TIPIN: variants seen among roughly 807,000 people sequenced by gnomAD.
TIPIN encodes the protein TIMELESS-interacting protein.
In TIPIN, 29 loss-of-function variants were observed where a neutral mutation model predicts 35.6. The observed-to-expected ratio is 0.82, with a 90% CI of 0.61 to 1.11. The LOEUF (loss-of-function observed/expected upper bound fraction) is 1.11. TIPIN is among the 50% of genes most tolerant of loss of function. The pLI is 0.00. For missense variants in TIPIN, 296 were observed against 345.4 expected (o/e 0.86, Z 1.13); for synonymous variants, 102 against 121.5 (o/e 0.84, Z 1.06).
intron 1 of TIPIN, among the ~76,000 whole-genome samples, chr15:66,366,597 CAAAAAAAAA>C (rs757848258): frequency 1.1e-5 from 1 of 92,244 alleles, no homozygotes; most frequent in African/African-American, 4.5e-5. Context: ...ACTAAATATA[CAAAAAAAAA>C]AAAAAAAAAA....
chr15:66,371,050 A>C, intron 1 of TIPIN: 1 of 198,078 alleles, frequency 5.0e-6, no homozygotes, highest in African/African-American at 2.4e-5. Context: ...GTCTCTACTA[A>C]AAATACAAAA....
intron 6 of TIPIN, 103 bp from the exon 7 acceptor site, chr15:66,341,459 A>G: frequency 1.1e-6 from 1 of 937,584 alleles, no homozygotes; most frequent in South Asian, 1.7e-5. Flanking sequence ...ACCTGAAAAA[A>G]CAATTTGTGA....
At chr15:66,363,764 C>T (rs1286388720) in intron 1 of TIPIN, among the ~76,000 whole-genome samples, 2 of 151,792 alleles carry the variant, frequency 1.3e-5, no homozygotes, top group East Asian at 1.9e-4. Flanking sequence ...GGGTGGATCA[C>T]GAGGTCAGGA....
In TIPIN at chr15:66,367,833, GTTTTTGTTTT is replaced by G. The variant is rs923550135; in HGVS notation, c.-8-14888_-8-14879del. 3.3e-4 allele frequency among the ~76,000 whole-genome samples: 40 copies of G among 122,930 alleles called. 1 individual carries two copies. The Middle Eastern group carries it at 0.04, about 123-fold the overall frequency. 80.6% of individuals were successfully genotyped at this position (122,930 alleles called of 152,430 possible). A position where few individuals can be genotyped will look rare whatever the true frequency, so the allele number is the denominator to read the frequency against. On this transcript the variant is annotated intron_variant, in intron 1 of 7. Transcript: ENST00000562124. Reference sequence around the variant, plus strand: ...ATGTCCCTGTTATACATAAATCTTTGTTTTTGTTTTTTTTTTTTTGATTCAAAGTCTTGCT... The same window carrying G: ...ATGTCCCTGTTATACATAAATCTTTGTTTTTTTTTGATTCAAAGTCTTGCT...
chr15:66,367,840 T>G (rs1192758235), intron 1 of TIPIN, among the ~76,000 whole-genome samples: 11 of 141,448 alleles, frequency 7.8e-5, no homozygotes, highest in South Asian at 6.7e-4. Context: ...TTTGTTTTTG[T>G]TTTTTTTTTT....
intron 7 of TIPIN, among the ~76,000 whole-genome samples, chr15:66,340,810 T>C (rs2093081235): frequency 6.6e-6 from 1 of 152,058 alleles, no homozygotes; most frequent in Non-Finnish European, 1.5e-5. Flanking sequence ...TTGGCCAGGC[T>C]GGTCTTGAAC....
intron 6 of TIPIN, among the ~76,000 whole-genome samples, chr15:66,342,213 G>C (rs892440326): frequency 4.6e-5 from 6 of 129,172 alleles, no homozygotes; most frequent in Non-Finnish European, 9.8e-5. Context: ...AAAAAAGAAA[G>C]AAACAAAAAG....
intron 3 of TIPIN, 95 bp downstream of exon 3, chr15:66,352,034 C>G: frequency 9.7e-7 from 1 of 1,029,528 alleles, no homozygotes; most frequent in Non-Finnish European, 1.4e-6. Context: ...TATAAGAGCT[C>G]CACATCATAC....
Position 66,336,774 on chromosome 15 carries a change from GAACA to G in TIPIN, c.*180_*183del. On this transcript the variant is annotated 3_prime_UTR_variant, in exon 8 of 8. Transcript: ENST00000261881. ...CCTATATAAAAACAAACACTAAAGA[GAACA>G]AATAGATTTAACTAAAGTGACAAGC... The G allele has an allele frequency of 5.3e-6, 3 of 567,920 alleles. No individual in the cohort carries two copies. The highest frequency in any genetic ancestry group is 3.1e-5 in the Admixed American group (1 of 32,770). The allele number at this position is 567,920 out of a possible 1,614,324, so 35.2% of individuals were successfully genotyped here. A position where few individuals can be genotyped will look rare whatever the true frequency, so the allele number is the denominator to read the frequency against.
intron 1 of TIPIN, among the ~76,000 whole-genome samples, chr15:66,372,974 T>C (rs979458344): frequency 6.6e-6 from 1 of 152,156 alleles, no homozygotes; most frequent in Non-Finnish European, 1.5e-5. Flanking sequence ...AGAAATATCA[T>C]TGTGCTGCAA....
At chr15:66,378,719 T>G (rs1437136512) in intron 1 of TIPIN, among the ~76,000 whole-genome samples, 1 of 150,838 alleles carries the variant, frequency 6.6e-6, no homozygotes, top group Non-Finnish European at 1.5e-5. Flanking sequence ...ATTTCACCTT[T>G]CTTTCTTTAT....
chr15:66,359,395 G>C (rs2093221772), upstream of TIPIN, among the ~76,000 whole-genome samples: 1 of 151,802 alleles, frequency 6.6e-6, no homozygotes, highest in Non-Finnish European at 1.5e-5. Context: ...ACCCAGGGTG[G>C]AGTGCAGTGG....
At chr15:66,379,500 G>A in intron 1 of TIPIN, 1 of 1,609,458 alleles carries the variant, frequency 6.2e-7, no homozygotes, top group Non-Finnish European at 8.5e-7. Flanking sequence ...ATCTTTCTGG[G>A]CTTGAGATAC....
At chr15:66,376,687 C>G (rs1213203003) in intron 1 of TIPIN, among the ~76,000 whole-genome samples, 1 of 151,794 alleles carries the variant, frequency 6.6e-6, no homozygotes, top group Non-Finnish European at 1.5e-5. Flanking sequence ...CTCTGGCCTC[C>G]CAAAGTGCTG....
intron 1 of TIPIN, among the ~76,000 whole-genome samples, chr15:66,380,102 C>T (rs1035641298): frequency 6.6e-6 from 1 of 151,048 alleles, no homozygotes; most frequent in Non-Finnish European, 1.5e-5. Context: ...CTCAGGCTCA[C>T]GCCATTCTCC....
chr15:66,377,215 C>T (rs2093300320), intron 1 of TIPIN, among the ~76,000 whole-genome samples: 1 of 151,592 alleles, frequency 6.6e-6, no homozygotes, highest in Admixed American at 6.6e-5. Flanking sequence ...GAAAGGTGAT[C>T]TCTCATAATT....
intron 1 of TIPIN, among the ~76,000 whole-genome samples, chr15:66,377,803 A>C (rs1185496038): frequency 6.6e-6 from 1 of 151,830 alleles, no homozygotes; most frequent in Non-Finnish European, 1.5e-5. Context: ...CAGACTCCCG[A>C]GTAGCAGGGA....
intron 1 of TIPIN, among the ~76,000 whole-genome samples, chr15:66,377,107 C>CAAAA (rs36061431): frequency 1.8e-4 from 19 of 105,406 alleles, no homozygotes; most frequent in East Asian, 6.0e-4. Context: ...GACTCCCTCT[C>CAAAA]AAAAAAAAAA....
At chr15:66,381,421 G>A (rs2093318226) in intron 1 of TIPIN, among the ~76,000 whole-genome samples, 1 of 152,168 alleles carries the variant, frequency 6.6e-6, no homozygotes, top group Non-Finnish European at 1.5e-5. Context: ...CCAGGTGACA[G>A]AGCAAGTCTC....
Sources: allele counts gnomAD v4.1 joint callset (sites outside exome capture counted in the v4.1 genomes callset), GRCh38; gene constraint gnomAD v4.1.1; transcripts MANE v1.5; gene names NCBI Gene and HGNC (gene_info 2026-07-23, HGNC 2026-07-21).